The following SLC6A6 variants were observed in gnomAD, a reference collection of about 807,000 sequenced individuals.
SLC6A6 encodes the protein sodium- and chloride-dependent taurine transporter.
A neutral mutation model predicts 68.8 loss-of-function variants in SLC6A6; 16 were observed. That is an observed-to-expected ratio of 0.23 (90% CI 0.16 to 0.35). SLC6A6 has a LOEUF of 0.35. Among genes scored for constraint, SLC6A6 ranks in the 10% least tolerant of loss-of-function variants. SLC6A6 has a pLI of 1.00. For synonymous variants in SLC6A6, 312 were observed against 315.4 expected, an observed-to-expected ratio of 0.99 and a Z score of 0.12; for missense variants, 474 against 802.8, an observed-to-expected ratio of 0.59 and a Z score of 4.95.
At chr3:14,469,495 G>A (rs558561078) in intron 9 of SLC6A6, among the ~76,000 whole-genome samples, 89 of 152,316 alleles carry the variant, frequency 5.8e-4, no homozygotes, top group African/African-American at 1.9e-3. Flanking sequence ...TCAGCATCGC[G>A]TGTCCAGATG....
chr3:14,406,705 C>T (rs934398013), intron 1 of SLC6A6, among the ~76,000 whole-genome samples: 1 of 152,188 alleles, frequency 6.6e-6, no homozygotes, highest in African/African-American at 2.4e-5. Flanking sequence ...CATTTGGAAA[C>T]CTGGGCAGAG....
At chr3:14,474,670 C>T (rs1700832447) in intron 10 of SLC6A6, among the ~76,000 whole-genome samples, 1 of 152,234 alleles carries the variant, frequency 6.6e-6, no homozygotes, top group Non-Finnish European at 1.5e-5. Flanking sequence ...AGAACTTAGC[C>T]AAGGCTCCAC....
chr3:14,444,947 C>T (rs998353737), intron 3 of SLC6A6: 1 of 433,168 alleles, frequency 2.3e-6, no homozygotes, highest in African/African-American at 2.0e-5. Context: ...ACCCTCTGCC[C>T]CTTACCACCT....
At chr3:14,459,439 TG>T (rs71630856) in intron 6 of SLC6A6, among the ~76,000 whole-genome samples, 4 of 152,134 alleles carry the variant, frequency 2.6e-5, no homozygotes, top group African/African-American at 4.8e-5. Flanking sequence ...AGAGGTAGAA[TG>T]GGGGTGATCC....
intron 1 of SLC6A6, among the ~76,000 whole-genome samples, chr3:14,415,395 GA>G (rs1158865573): frequency 6.6e-6 from 1 of 152,172 alleles, no homozygotes; most frequent in Non-Finnish European, 1.5e-5. Flanking sequence ...CTGGGTCTGG[GA>G]AGGAGGCTGC....
intron 5 of SLC6A6, among the ~76,000 whole-genome samples, chr3:14,457,336 T>C (rs3773177): frequency 0.39 from 59,775 of 152,006 alleles, 11,910 homozygotes; most frequent in South Asian, 0.45. Context: ...GCCTGAAACT[T>C]CCCTGGGCAT....
In SLC6A6 at chr3:14,463,704, G is replaced by GC. The variant is rs1173067912; in HGVS notation, c.733-2807dup. 2.0e-5 allele frequency among the ~76,000 whole-genome samples: 3 copies of GC among 152,270 alleles called. No individual in the cohort carries two copies. In the East Asian group the frequency reaches 5.8e-4, roughly 29 times the overall value. On this transcript the variant is annotated intron_variant, in intron 6 of 14. Coordinates refer to ENST00000622186, the MANE Select transcript of SLC6A6 (RefSeq NM_003043.6). ...CCCCCCTTCTGTGGCTTCCTGATGT[G>GC]CCCCCGCCCTCCACGTCTGCCTTCC... is the stretch of plus-strand genomic sequence containing the variant.
At chr3:14,413,671 G>A (rs1699301751) in intron 1 of SLC6A6, among the ~76,000 whole-genome samples, 1 of 152,038 alleles carries the variant, frequency 6.6e-6, no homozygotes, top group African/African-American at 2.4e-5. Flanking sequence ...CTTTGGGAAG[G>A]GCTGATGACC....
At chr3:14,434,566 T>C (rs1484764782) in intron 2 of SLC6A6, among the ~76,000 whole-genome samples, 2 of 152,234 alleles carry the variant, frequency 1.3e-5, no homozygotes, top group Non-Finnish European at 2.9e-5. Context: ...GTTCTAACCC[T>C]GGACCTCTGA....
In SLC6A6 at chr3:14,402,967, C is replaced by A. The variant is rs1421895197; in HGVS notation, c.-54+120C>A. 2 of 381,834 alleles carry A rather than the reference C, an allele frequency of 5.2e-6. No individual in the cohort carries two copies. Among genetic ancestry groups the A allele is most frequent in the African/African-American group, 4.2e-5 (2 of 47,902 alleles). The allele number at this position is 381,834 out of a possible 1,614,324, so 23.7% of individuals were successfully genotyped here. A position where few individuals can be genotyped will look rare whatever the true frequency, so the allele number is the denominator to read the frequency against. On this transcript the variant is annotated intron_variant, in intron 1 of 14. Coordinates refer to ENST00000622186, the MANE Select transcript of SLC6A6 (RefSeq NM_003043.6). This position sits in a 1 kb window ranked among gnomAD's most constrained non-coding sequence, Gnocchi z 4.8. Reference sequence around the variant, plus strand: ...CCCTCCGCGTGCGCCCATCCGGCGCCCCTTTCACCACCGCGGAAGGGACCG... The same window carrying A: ...CCCTCCGCGTGCGCCCATCCGGCGCACCTTTCACCACCGCGGAAGGGACCG...
At chr3:14,424,145 T>G (rs1699539515) in intron 2 of SLC6A6, among the ~76,000 whole-genome samples, 1 of 151,884 alleles carries the variant, frequency 6.6e-6, no homozygotes, top group Non-Finnish European at 1.5e-5. Context: ...TGGGGAAAAA[T>G]CTCTAAGCAT....
intron 1 of SLC6A6, among the ~76,000 whole-genome samples, chr3:14,407,795 C>A (rs1004648443): frequency 6.6e-6 from 1 of 152,208 alleles, no homozygotes; most frequent in Non-Finnish European, 1.5e-5. Context: ...CATGCCCCAC[C>A]ATACCAGGCC....
intron 2 of SLC6A6, among the ~76,000 whole-genome samples, chr3:14,442,452 C>T (rs12637706): frequency 0.18 from 27,309 of 152,186 alleles, 2,696 homozygotes; most frequent in East Asian, 0.43. Context: ...GTGGGTCAGC[C>T]CTTGAAGGCA....
intron 2 of SLC6A6, among the ~76,000 whole-genome samples, chr3:14,424,874 G>A (rs907055146): frequency 6.6e-6 from 1 of 152,122 alleles, no homozygotes; most frequent in Non-Finnish European, 1.5e-5. Context: ...GAGGGGACGG[G>A]GACACGGCGC....
chr3:14,471,172 T>G (rs1385808128), intron 9 of SLC6A6, among the ~76,000 whole-genome samples: 1 of 149,724 alleles, frequency 6.7e-6, no homozygotes, highest in Non-Finnish European at 1.5e-5. Context: ...TTTTACTTTC[T>G]TTTGCTGCCC....
In SLC6A6 at chr3:14,417,844, T is replaced by C. The variant is rs1699400195; in HGVS notation, c.-12+1391T>C. On this transcript the variant is annotated intron_variant, in intron 2 of 14. Coordinates refer to ENST00000622186, the MANE Select transcript of SLC6A6 (RefSeq NM_003043.6). ...TGATTCTGTTATCTGTGGATCTTAATGGCATTGCACTGATTGTCTCAGTGT... is the reference window on the plus strand; with the variant it reads ...TGATTCTGTTATCTGTGGATCTTAACGGCATTGCACTGATTGTCTCAGTGT... Among the ~76,000 whole-genome samples the C allele has an allele frequency of 2.0e-5, 3 of 152,230 alleles. No individual in the cohort carries two copies. The South Asian group carries it at 6.2e-4, about 31-fold the overall frequency.
chr3:14,469,853 C>G (rs1335543690), intron 9 of SLC6A6, among the ~76,000 whole-genome samples: 2 of 152,160 alleles, frequency 1.3e-5, no homozygotes, highest in African/African-American at 4.8e-5. Context: ...CATGTCACCC[C>G]CACACACCTC....
At chr3:14,461,380 G>A (rs1254078655) in intron 6 of SLC6A6, among the ~76,000 whole-genome samples, 5 of 152,172 alleles carry the variant, frequency 3.3e-5, no homozygotes, top group African/African-American at 7.2e-5. Context: ...CCCCACTCCC[G>A]ACCTGGGTGC....
chr3:14,481,614 G>GCCCCCCCC lies in SLC6A6; in HGVS notation c.1552-51_1552-50insCCCCCCCC. 8.2e-7 allele frequency: 1 copy of GCCCCCCCC among 1,223,064 alleles called. No homozygotes were observed. The highest frequency in any genetic ancestry group is 1.2e-6 in the Non-Finnish European group (1 of 844,728). 75.8% of individuals were successfully genotyped at this position (1,223,064 alleles called of 1,614,324 possible). ...GTTGAGGCCAGTCCTAGTCCCAGAAGCCCCCCACCCCCCGATGCCCAGGAC... is the reference window on the plus strand; with the variant it reads ...GTTGAGGCCAGTCCTAGTCCCAGAAGCCCCCCCCCCCCCCACCCCCCGATGCCCAGGAC... On this transcript the variant is annotated intron_variant, in intron 13 of 14. Transcript: ENST00000622186. The surrounding 1 kb of genome is among the most constrained non-coding windows in gnomAD (Gnocchi z 4.7).
Sources: gnomAD v4.1 joint callset for allele counts (sites outside exome capture counted in the v4.1 genomes callset) on GRCh38, gnomAD v4.1.1 for gene constraint, Gnocchi (gnomAD v3.1) non-coding constraint, MANE v1.5 for transcripts, NCBI Gene and HGNC (gene_info 2026-07-23, HGNC 2026-07-21) for gene names.